The following ATP8A2 variants were observed in gnomAD, a reference collection of about 807,000 sequenced individuals.
The protein encoded by ATP8A2 is phospholipid-transporting ATPase IB.
A neutral mutation model predicts 165.6 loss-of-function variants in ATP8A2; 100 were observed. That is an observed-to-expected ratio of 0.60 (90% CI 0.51 to 0.71). ATP8A2 has a LOEUF of 0.71. Among genes scored for constraint, ATP8A2 ranks in the 30% least tolerant of loss-of-function variants. The pLI, the probability that ATP8A2 is intolerant of heterozygous loss-of-function variation, is 0.00. For missense variants in ATP8A2, 1,227 were observed against 1,479.5 expected, an observed-to-expected ratio of 0.83 and a Z score of 2.80; for synonymous variants, 543 against 548.8, an observed-to-expected ratio of 0.99 and a Z score of 0.15.
intron 33 of ATP8A2, among the ~76,000 whole-genome samples, chr13:25,867,690 G>C (rs549751131): frequency 1.6e-4 from 24 of 152,294 alleles, no homozygotes; most frequent in African/African-American, 5.8e-4. Flanking sequence ...GGGTCAGGAA[G>C]CCTGAAGGAG....
At chr13:25,912,877 C>G (rs948086275) in intron 33 of ATP8A2, among the ~76,000 whole-genome samples, 3 of 152,148 alleles carry the variant, frequency 2.0e-5, no homozygotes, top group Non-Finnish European at 4.4e-5. Flanking sequence ...ACAGCCCAAT[C>G]TGAGAAGGAG....
chr13:25,860,900 T>A, intron 32 of ATP8A2, 40 bp downstream of exon 32: 1 of 1,352,854 alleles, frequency 7.4e-7, no homozygotes, highest in Non-Finnish European at 1.0e-6. Context: ...TCAGTATAGA[T>A]ATTTTTCATG....
intron 24 of ATP8A2, among the ~76,000 whole-genome samples, chr13:25,637,762 G>C (rs1018293145): frequency 3.3e-5 from 5 of 152,150 alleles, no homozygotes. Flanking sequence ...GAAAGTAGTG[G>C]TTCTCCAGGC....
At chr13:25,580,768 A>C (rs1045362791) in intron 22 of ATP8A2, among the ~76,000 whole-genome samples, 8 of 152,158 alleles carry the variant, frequency 5.3e-5, no homozygotes, top group African/African-American at 1.9e-4. Context: ...TCCTGGGCTC[A>C]AGCAGTCCTC....
intron 33 of ATP8A2, among the ~76,000 whole-genome samples, chr13:25,933,496 T>G (rs1359568145): frequency 2.6e-5 from 4 of 152,228 alleles, no homozygotes; most frequent in Non-Finnish European, 5.9e-5. Context: ...AAATTCATGT[T>G]AAAGTGCTTA....
At chr13:25,512,560 C>T (rs1287128480) in intron 2 of ATP8A2, among the ~76,000 whole-genome samples, 1 of 145,128 alleles carries the variant, frequency 6.9e-6, no homozygotes, top group African/African-American at 2.6e-5. Flanking sequence ...GGCAGAGGGG[C>T]TCCTCACTTC....
At chr13:25,525,297 T>C (rs1278456164) in intron 2 of ATP8A2, among the ~76,000 whole-genome samples, 3 of 152,134 alleles carry the variant, frequency 2.0e-5, no homozygotes, top group Admixed American at 6.6e-5. Context: ...TTTGATAGAT[T>C]TGTCTTTTGG....
At chr13:25,892,900 AAGTT>A (rs1953420989) in intron 33 of ATP8A2, among the ~76,000 whole-genome samples, 1 of 151,974 alleles carries the variant, frequency 6.6e-6, no homozygotes, top group Non-Finnish European at 1.5e-5. Flanking sequence ...AAAACATTAA[AAGTT>A]AGCACAAAGT....
intron 27 of ATP8A2, among the ~76,000 whole-genome samples, chr13:25,777,557 C>T (rs926876211): frequency 4.6e-5 from 7 of 152,072 alleles, no homozygotes; most frequent in Non-Finnish European, 8.8e-5. Context: ...ACTCAAGGAG[C>T]GATTCTTTAC....
intron 27 of ATP8A2, among the ~76,000 whole-genome samples, chr13:25,827,876 A>G (rs1260846195): frequency 6.6e-6 from 1 of 152,260 alleles, no homozygotes; most frequent in Non-Finnish European, 1.5e-5. Flanking sequence ...TTTTCTATGA[A>G]CATGTGCATA....
intron 27 of ATP8A2, among the ~76,000 whole-genome samples, chr13:25,796,014 A>G (rs1273453029): frequency 1.3e-5 from 2 of 151,674 alleles, no homozygotes; most frequent in African/African-American, 4.9e-5. Flanking sequence ...CAGTAGCACG[A>G]TCTTGGCTCA....
intron 25 of ATP8A2, among the ~76,000 whole-genome samples, chr13:25,735,386 A>G (rs1593268540): frequency 6.6e-6 from 1 of 152,016 alleles, no homozygotes; most frequent in Non-Finnish European, 1.5e-5. Context: ...CAGCCTCTCA[A>G]TTAGCTGGGA....
chr13:25,468,954 C>T, intron 1 of ATP8A2, 23 bp from the exon 2 acceptor site: 3 of 1,612,522 alleles, frequency 1.9e-6, no homozygotes, highest in Non-Finnish European at 2.5e-6. Context: ...GTCGTATTCT[C>T]TGCCTGCGCC....
chr13:25,789,208 A>G (rs2045104965), intron 27 of ATP8A2, among the ~76,000 whole-genome samples: 1 of 152,246 alleles, frequency 6.6e-6, no homozygotes, highest in Admixed American at 6.5e-5. Context: ...GTATAAAATA[A>G]TAGCATATGC....
At chr13:25,640,950 A>G (rs1383054136) in intron 24 of ATP8A2, among the ~76,000 whole-genome samples, 1 of 152,226 alleles carries the variant, frequency 6.6e-6, no homozygotes, top group Non-Finnish European at 1.5e-5. Context: ...CTGGTTCAAC[A>G]TACGCAAATC....
At chr13:25,446,639 T>C (rs954138878) in intron 1 of ATP8A2, among the ~76,000 whole-genome samples, 4 of 152,228 alleles carry the variant, frequency 2.6e-5, no homozygotes, top group Admixed American at 2.6e-4. Context: ...TACTGAATCA[T>C]TTGGTATTTT....
At chr13:25,862,441 T>C in intron 33 of ATP8A2, 33 bp downstream of exon 33, 2 of 1,531,068 alleles carry the variant, frequency 1.3e-6, no homozygotes, top group South Asian at 1.1e-5. Flanking sequence ...GTGTCTTCTG[T>C]GTCTTGTGAC....
chr13:25,468,761 C>A, intron 1 of ATP8A2: 1 of 876,382 alleles, frequency 1.1e-6, no homozygotes, highest in Non-Finnish European at 1.4e-6. Flanking sequence ...CCGCGCGGGG[C>A]GTGGGCGTGG....
At chr13:25,506,281 T>A (rs1453398831) in intron 2 of ATP8A2, among the ~76,000 whole-genome samples, 1 of 152,246 alleles carries the variant, frequency 6.6e-6, no homozygotes, top group African/African-American at 2.4e-5. Context: ...CTATGGATGC[T>A]ATAATGGGTA....
Sources: gnomAD v4.1 joint callset for allele counts (sites outside exome capture counted in the v4.1 genomes callset) on GRCh38, gnomAD v4.1.1 for gene constraint, MANE v1.5 for transcripts, NCBI Gene and HGNC (gene_info 2026-07-23, HGNC 2026-07-21) for gene names.